KCNMA1: variants seen among roughly 807,000 people sequenced by gnomAD.
The protein encoded by KCNMA1 is Calcium-activated potassium channel subunit alpha-1.
In KCNMA1, 29 loss-of-function variants were observed where a neutral mutation model predicts 140.0. The ratio of observed to expected loss-of-function variants is 0.21; its 90% CI spans 0.15 to 0.28. The LOEUF is 0.28. Among genes scored for constraint, KCNMA1 ranks in the 10% least tolerant of loss-of-function variants. The pLI is 1.00. For missense variants in KCNMA1, 880 were observed against 1,602.2 expected, an observed-to-expected ratio of 0.55 and a Z score of 7.70; for synonymous variants, 612 against 611.9, an observed-to-expected ratio of 1.00 and a Z score of 0.00.
chr10:77,173,507 C>T lies in KCNMA1; in HGVS notation c.808+9914G>A, dbSNP rs558172704. 3.3e-5 allele frequency among the ~76,000 whole-genome samples: 5 copies of T among 152,238 alleles called. No individual in the cohort carries two copies. The South Asian group carries it at 6.2e-4, about 19-fold the overall frequency. On this transcript the variant is annotated intron_variant, in intron 5 of 27. Transcript: ENST00000286628. ...TACTGTATGTACATACACATACATA[C>T]ATATATATACACATATATGTAATAT...
At chr10:77,391,253 A>C (rs964345354) in intron 2 of KCNMA1, among the ~76,000 whole-genome samples, 1 of 152,146 alleles carries the variant, frequency 6.6e-6, no homozygotes, top group Non-Finnish European at 1.5e-5. Flanking sequence ...AACAGGTTTA[A>C]TGGTCCCCCT....
chr10:77,258,911 C>G (rs59568268), intron 2 of KCNMA1, among the ~76,000 whole-genome samples: 2 of 151,950 alleles, frequency 1.3e-5, no homozygotes, highest in Non-Finnish European at 2.9e-5. Flanking sequence ...TTCAGCAAGC[C>G]GAGATAACGC....
chr10:77,094,694 T>C (rs543604924), intron 9 of KCNMA1, among the ~76,000 whole-genome samples: 2 of 152,262 alleles, frequency 1.3e-5, no homozygotes, highest in East Asian at 1.9e-4. Flanking sequence ...CATTTTATTT[T>C]ATATTATATT....
rs1235815724 is a variant in KCNMA1, at chr10:77,331,191, T to A, written c.540+72671A>T. Among the ~76,000 whole-genome samples the A allele has an allele frequency of 2.0e-5, 3 of 152,270 alleles. No individual in the cohort carries two copies. In the East Asian group the frequency reaches 5.8e-4, roughly 29 times the overall value. ...TCTAGAGAACTTTTAAATCCCACGC[T>A]GGCCTGACCCACCCCAGCTGGCATA... On this transcript the variant is annotated intron_variant, in intron 2 of 27. Transcript: ENST00000286628.
intron 1 of KCNMA1, among the ~76,000 whole-genome samples, chr10:77,588,517 C>T (rs1366823082): frequency 6.6e-6 from 1 of 152,052 alleles, no homozygotes; most frequent in African/African-American, 2.4e-5. Flanking sequence ...AGCCTGGAGG[C>T]AAAGGGTGCC....
At chr10:77,175,487 C>T (rs2098744582) in intron 5 of KCNMA1, among the ~76,000 whole-genome samples, 1 of 152,184 alleles carries the variant, frequency 6.6e-6, no homozygotes, top group South Asian at 2.1e-4. Context: ...AGGCACTGTT[C>T]CAGGTACTAG....
At chr10:77,107,925 A>G (rs1277528039) in intron 9 of KCNMA1, among the ~76,000 whole-genome samples, 1 of 152,186 alleles carries the variant, frequency 6.6e-6, no homozygotes, top group Admixed American at 6.5e-5. Flanking sequence ...TGCTACACAC[A>G]AACCACCATA....
At chr10:77,619,141 G>A (rs1456639101) in intron 1 of KCNMA1, among the ~76,000 whole-genome samples, 1 of 152,172 alleles carries the variant, frequency 6.6e-6, no homozygotes, top group Non-Finnish European at 1.5e-5. Context: ...CCAAAATGTA[G>A]TGGCTTAAAA....
In KCNMA1 at chr10:76,886,683, C is replaced by G; in HGVS notation, c.*583G>C. The G allele has an allele frequency of 1.0e-6, 1 of 995,178 alleles. No homozygotes were observed. Among genetic ancestry groups the G allele is most frequent in the African/African-American group, 1.7e-5 (1 of 57,424 alleles). The allele number at this position is 995,178 out of a possible 1,614,324, so 61.6% of individuals were successfully genotyped here. A position where few individuals can be genotyped will look rare whatever the true frequency, so the allele number is the denominator to read the frequency against. ...GTTCTCTTGCAACAAGCAGGTCCTT[C>G]ATAATCATCTACACAAATCGTGAAA... On this transcript the variant is annotated 3_prime_UTR_variant, in exon 28 of 28. Coordinates refer to ENST00000286628, the MANE Select transcript of KCNMA1 (RefSeq NM_001161352.2).
intron 2 of KCNMA1, among the ~76,000 whole-genome samples, chr10:77,298,325 C>A (rs2075733551): frequency 6.6e-6 from 1 of 151,458 alleles, no homozygotes; most frequent in Admixed American, 6.6e-5. Flanking sequence ...TCACTGCAAC[C>A]TCCACCTCCT....
At chr10:77,319,775 G>A (rs1406139894) in intron 2 of KCNMA1, among the ~76,000 whole-genome samples, 1 of 152,236 alleles carries the variant, frequency 6.6e-6, no homozygotes, top group Admixed American at 6.5e-5. Flanking sequence ...GGTGCTGGAA[G>A]CAAAGACCAA....
intron 27 of KCNMA1, 127 bp from the exon 28 acceptor site, chr10:76,887,642 C>A: frequency 1.9e-6 from 2 of 1,065,616 alleles, no homozygotes; most frequent in Non-Finnish European, 2.9e-6. Context: ...GCACTCCTAG[C>A]TGGTCTGAGG....
chr10:76,955,371 T>A (rs895166568), intron 20 of KCNMA1, among the ~76,000 whole-genome samples: 3 of 152,126 alleles, frequency 2.0e-5, no homozygotes, highest in East Asian at 1.9e-4. Context: ...TTTGAATAAC[T>A]ACCACGACCC....
intron 1 of KCNMA1, among the ~76,000 whole-genome samples, chr10:77,550,958 G>C (rs553316375): frequency 6.6e-6 from 1 of 152,288 alleles, no homozygotes; most frequent in South Asian, 2.1e-4. Context: ...CACACTCATA[G>C]AGTATTCAAC....
chr10:77,351,324 T>C lies in KCNMA1; in HGVS notation c.540+52538A>G, dbSNP rs535779334. On this transcript the variant is annotated intron_variant, in intron 2 of 27. Transcript: ENST00000286628. ...CAATTAACTCAAGACCACCAGGATA[T>C]TTGGGGAAGTTTATCCTTCTGGAAA... 1.4e-3 allele frequency among the ~76,000 whole-genome samples: 214 copies of C among 152,306 alleles called. 1 individual carries two copies. The highest frequency in any genetic ancestry group is 5.0e-3 in the African/African-American group (206 of 41,572).
chr10:77,606,205 C>G (rs1401055209), intron 1 of KCNMA1, among the ~76,000 whole-genome samples: 1 of 152,136 alleles, frequency 6.6e-6, no homozygotes, highest in Non-Finnish European at 1.5e-5. Context: ...AGTTTTGGGT[C>G]CCACTGTCCC....
intron 1 of KCNMA1, among the ~76,000 whole-genome samples, chr10:77,552,944 G>A (rs1206768597): frequency 6.6e-6 from 1 of 152,328 alleles, no homozygotes; most frequent in Non-Finnish European, 1.5e-5. Flanking sequence ...AGCTACTGGG[G>A]AGGCTGGGGC....
At chr10:77,176,039 A>C (rs1223389387) in intron 5 of KCNMA1, among the ~76,000 whole-genome samples, 1 of 152,208 alleles carries the variant, frequency 6.6e-6, no homozygotes, top group East Asian at 1.9e-4. Flanking sequence ...AGATTCACAG[A>C]ATCATCCTGA....
intron 1 of KCNMA1, among the ~76,000 whole-genome samples, chr10:77,557,556 A>AT (rs1356046398): frequency 2.0e-5 from 3 of 151,700 alleles, no homozygotes; most frequent in Admixed American, 2.0e-4. Context: ...GAGGATATAT[A>AT]TATTTTTTTA....
Sources: gnomAD v4.1 joint callset for allele counts (sites outside exome capture counted in the v4.1 genomes callset) on GRCh38, gnomAD v4.1.1 for gene constraint, MANE v1.5 for transcripts, NCBI Gene and HGNC (gene_info 2026-07-23, HGNC 2026-07-21) for gene names.